Variants in NBAS observed in about 807,000 individuals in gnomAD.
The protein encoded by NBAS is NBAS subunit of NRZ tethering complex, also known as NAG/BC035112 fusion.
NBAS carries 219 observed loss-of-function variants against 302.5 expected under a neutral mutation model. That is an observed-to-expected ratio of 0.72 (90% confidence interval 0.65 to 0.81). The LOEUF is 0.81. Among genes scored for constraint, NBAS ranks in the 30% least tolerant of loss-of-function variants. The probability of loss-of-function intolerance (pLI) is 0.00; values close to 1 mark genes in which losing one functional copy is unlikely to be tolerated. For missense variants in NBAS, 2,932 were observed against 2,841.6 expected (o/e 1.03, Z -0.72); for synonymous variants, 1,118 against 1,021.6 (o/e 1.09, Z -1.80).
the NBAS span, among the ~76,000 whole-genome samples, chr2:15,137,650 T>C: frequency 5.6e-4 from 86 of 152,316 alleles, no homozygotes; most frequent in East Asian, 0.015. Context: ...CTTTACATTT[T>C]TATAACAAAA....
chr2:14,787,414 C>T, the NBAS span, among the ~76,000 whole-genome samples: 3 of 152,134 alleles, frequency 2.0e-5, no homozygotes, highest in Admixed American at 6.6e-5. Context: ...TTCTTCCTAG[C>T]CTCGATGGTC....
chr2:15,166,934 AT>A lies in NBAS; in HGVS notation c.*113del. The A allele has an allele frequency of 2.2e-6, 3 of 1,360,442 alleles. No individual in the cohort carries two copies. The highest frequency in any genetic ancestry group is 2.9e-6 in the Non-Finnish European group (3 of 1,017,522). 84.3% of individuals were successfully genotyped at this position (1,360,442 alleles called of 1,614,324 possible). ...TTGCTCATCGTTTCCATACAGTTTTATTTGCAATTTGTTGGAACCATGGAGA... is the reference window on the plus strand; with the variant it reads ...TTGCTCATCGTTTCCATACAGTTTTATTGCAATTTGTTGGAACCATGGAGA... On this transcript the variant is annotated 3_prime_UTR_variant, in exon 52 of 52. Coordinates refer to ENST00000281513, the MANE Select transcript of NBAS (RefSeq NM_015909.4).
At chr2:14,865,178 A>T in the NBAS span, among the ~76,000 whole-genome samples, 1 of 152,142 alleles carries the variant, frequency 6.6e-6, no homozygotes, top group African/African-American at 2.4e-5. Flanking sequence ...CCATTCGCAA[A>T]ATGGTAGGAG....
chr2:15,545,479 G>A (rs1168989365), intron 6 of NBAS, among the ~76,000 whole-genome samples: 2 of 152,114 alleles, frequency 1.3e-5, no homozygotes, highest in Non-Finnish European at 2.9e-5. Context: ...CGATACAGGG[G>A]ACGTCAGTAC....
At chr2:14,815,758 C>G in the NBAS span, among the ~76,000 whole-genome samples, 4 of 152,134 alleles carry the variant, frequency 2.6e-5, no homozygotes, top group Non-Finnish European at 5.9e-5. Context: ...CCACAAGCAC[C>G]TCAAACCAAA....
Position 15,334,972 on chromosome 2 carries a change from A to T in NBAS, c.4180-4207T>A, listed in dbSNP as rs554558572. ...GCATAAATTAATTTTGTCTATTTTT[A>T]TACTTTATATGAATGAAATCATGTA... On this transcript the variant is annotated intron_variant, in intron 35 of 51. Coordinates refer to ENST00000281513, the MANE Select transcript of NBAS (RefSeq NM_015909.4). Among the ~76,000 whole-genome samples the T allele has an allele frequency of 3.9e-5, 6 of 152,284 alleles. No individual in the cohort carries two copies. In the East Asian group the frequency reaches 7.7e-4, roughly 20 times the overall value.
intron 21 of NBAS, among the ~76,000 whole-genome samples, chr2:15,460,393 C>G (rs924772844): frequency 2.0e-5 from 3 of 152,186 alleles, no homozygotes; most frequent in African/African-American, 7.2e-5. Context: ...GCCACACTTA[C>G]TAGTGGGCTA....
At chr2:15,528,319 T>C (rs1663023331) in intron 9 of NBAS, among the ~76,000 whole-genome samples, 4 of 151,598 alleles carry the variant, frequency 2.6e-5, no homozygotes, top group Non-Finnish European at 2.9e-5. Context: ...AAGGCGCTTA[T>C]TTTCTAGCTT....
chr2:15,441,920 A>G (rs1161394846), intron 21 of NBAS, among the ~76,000 whole-genome samples: 3 of 150,870 alleles, frequency 2.0e-5, no homozygotes, highest in African/African-American at 4.9e-5. Flanking sequence ...AGGCCATTAC[A>G]TAATAGTAAA....
At chr2:15,512,667 C>G (rs1394130518) in intron 9 of NBAS, among the ~76,000 whole-genome samples, 3 of 152,074 alleles carry the variant, frequency 2.0e-5, no homozygotes, top group Middle Eastern at 3.2e-3. Context: ...CCACCGCTGG[C>G]TTTGAAGGTA....
chr2:15,445,473 G>T (rs919576333), intron 21 of NBAS, among the ~76,000 whole-genome samples: 5 of 139,740 alleles, frequency 3.6e-5, no homozygotes, highest in Admixed American at 7.6e-5. Context: ...CATGGACACA[G>T]GAAGGGGAAC....
chr2:15,128,007 T>C, the NBAS span, among the ~76,000 whole-genome samples: 17,678 of 152,220 alleles, frequency 0.12, 1,381 homozygotes, highest in Non-Finnish European at 0.17. Context: ...TTAGATCTAT[T>C]TGATGCAAGC....
At chr2:14,993,564 TCCAA>T in the NBAS span, among the ~76,000 whole-genome samples, 1 of 152,218 alleles carries the variant, frequency 6.6e-6, no homozygotes, top group East Asian at 1.9e-4. Flanking sequence ...CTCTAATTGG[TCCAA>T]ATAATTTTGA....
At chr2:15,222,958 A>G (rs1183058503) in intron 47 of NBAS, among the ~76,000 whole-genome samples, 1 of 152,218 alleles carries the variant, frequency 6.6e-6, no homozygotes, top group Non-Finnish European at 1.5e-5. Flanking sequence ...ACATGCTCTC[A>G]TTTTGTGTTG....
intron 21 of NBAS, among the ~76,000 whole-genome samples, chr2:15,431,164 T>C (rs1677745973): frequency 2.6e-5 from 4 of 152,120 alleles, no homozygotes; most frequent in Non-Finnish European, 5.9e-5. Flanking sequence ...AAAAGGACCA[T>C]TTACATGCAT....
At chr2:15,078,196 C>A in the NBAS span, among the ~76,000 whole-genome samples, 3 of 152,118 alleles carry the variant, frequency 2.0e-5, no homozygotes, top group African/African-American at 7.2e-5. Context: ...TGAATTTTAT[C>A]CTGCAGGCAA....
At chr2:15,453,454 T>TA (rs1346897926) in intron 21 of NBAS, among the ~76,000 whole-genome samples, 12 of 152,288 alleles carry the variant, frequency 7.9e-5, no homozygotes, top group African/African-American at 2.9e-4. Flanking sequence ...GACATAAGAT[T>TA]AAATTGGCAT....
chr2:15,146,830 C>G, the NBAS span, among the ~76,000 whole-genome samples: 23 of 152,236 alleles, frequency 1.5e-4, no homozygotes, highest in African/African-American at 4.1e-4. Flanking sequence ...GAGCACGACC[C>G]ACACATAATG....
rs1415086464 is a variant in NBAS, at chr2:15,475,770, T to G, written c.1258A>C (p.Asn420His). 6.2e-7 allele frequency: 1 copy of G among 1,614,094 alleles called. No homozygotes were observed. The highest frequency in any genetic ancestry group is 1.7e-5 in the Admixed American group (1 of 60,024). The change falls in exon 14 of 52, where the codon AAT becomes CAT. Residue 420 changes from asparagine to histidine, a missense_variant. Coordinates refer to ENST00000281513, the MANE Select transcript of NBAS (RefSeq NM_015909.4). ...LTVSSVKTLK[N>H]LLGKSCEWFE... Reference sequence around the variant, plus strand: ...CATTCACAGGATTTTCCCAGTAAATTCTTCAAAGTTTTCACAGATGAAACA... The same window carrying G: ...CATTCACAGGATTTTCCCAGTAAATGCTTCAAAGTTTTCACAGATGAAACA...
Sources: allele counts gnomAD v4.1 joint callset (sites outside exome capture counted in the v4.1 genomes callset), GRCh38; gene constraint gnomAD v4.1.1; transcripts MANE v1.5; gene names NCBI Gene and HGNC (gene_info 2026-07-23, HGNC 2026-07-21).